Variants in DNAJC3 observed in about 807,000 individuals in gnomAD.
The protein encoded by DNAJC3 is dnaJ homolog subfamily C member 3.
In DNAJC3, 38 loss-of-function variants were observed where a neutral mutation model predicts 68.6. The ratio of observed to expected loss-of-function variants is 0.55; its 90% CI spans 0.43 to 0.73. The LOEUF is 0.73. DNAJC3 is among the 30% of genes least tolerant of loss of function. The probability of loss-of-function intolerance (pLI) is 0.00; values close to 1 mark genes in which losing one functional copy is unlikely to be tolerated. For missense variants in DNAJC3, 526 were observed against 591.9 expected, an observed-to-expected ratio of 0.89 and a Z score of 1.16; for synonymous variants, 203 against 204.0, an observed-to-expected ratio of 1.00 and a Z score of 0.04.
At chr13:95,789,643 C>G (rs1447323503) in intron 11 of DNAJC3, among the ~76,000 whole-genome samples, 1 of 152,106 alleles carries the variant, frequency 6.6e-6, no homozygotes, top group African/African-American at 2.4e-5. Context: ...TATAATGGAA[C>G]AATTTATATT....
chr13:95,779,680 C>T lies in DNAJC3; in HGVS notation c.1076-6259C>T, dbSNP rs17885622. 8.7e-3 allele frequency among the ~76,000 whole-genome samples: 1,325 copies of T among 152,222 alleles called. 19 individuals carry two copies. Among genetic ancestry groups the T allele is most frequent in the African/African-American group, 0.03 (1,254 of 41,512 alleles). On this transcript the variant is annotated intron_variant, in intron 9 of 11. Transcript: ENST00000602402. ...CTGATTGCTCACATTTTTACCTCCT[C>T]GTCATCTGGTCTCTTTCCTGAGTTC...
intron 2 of DNAJC3, among the ~76,000 whole-genome samples, chr13:95,721,352 G>A (rs1049678533): frequency 2.0e-5 from 3 of 152,114 alleles, no homozygotes; most frequent in Non-Finnish European, 4.4e-5. Context: ...TTGGACTATT[G>A]TGAATAATAC....
intron 1 of DNAJC3, among the ~76,000 whole-genome samples, chr13:95,691,924 G>A (rs1364912034): frequency 2.0e-5 from 3 of 152,216 alleles, no homozygotes; most frequent in East Asian, 3.9e-4. Context: ...GCGTGGCGGC[G>A]CGCGCCTGCA....
chr13:95,735,743 T>C (rs1881889302), intron 4 of DNAJC3, among the ~76,000 whole-genome samples: 1 of 151,928 alleles, frequency 6.6e-6, no homozygotes, highest in Admixed American at 6.5e-5. Context: ...ATGAGTAGGT[T>C]GCAAAAATTT....
chr13:95,733,410 G>A (rs1881778521), intron 4 of DNAJC3, among the ~76,000 whole-genome samples: 1 of 151,798 alleles, frequency 6.6e-6, no homozygotes, highest in Admixed American at 6.6e-5. Flanking sequence ...TGTTTTTTGT[G>A]AGGCAGAGTC....
At chr13:95,706,866 TAATTA>T (rs550311895) in intron 1 of DNAJC3, among the ~76,000 whole-genome samples, 66 of 152,342 alleles carry the variant, frequency 4.3e-4, no homozygotes, top group African/African-American at 1.2e-3. Flanking sequence ...GCAACCCTCA[TAATTA>T]AATTAAATTT....
intron 11 of DNAJC3, among the ~76,000 whole-genome samples, chr13:95,788,334 CTTA>C (rs1443145429): frequency 6.6e-6 from 1 of 152,102 alleles, no homozygotes; most frequent in Non-Finnish European, 1.5e-5. Context: ...TCAGGATCTT[CTTA>C]TGTGAGAGGG....
chr13:95,749,039 T>A (rs1882394022), intron 4 of DNAJC3, among the ~76,000 whole-genome samples: 1 of 152,216 alleles, frequency 6.6e-6, no homozygotes, highest in Admixed American at 6.5e-5. Flanking sequence ...TAAGGAGCTA[T>A]CAATTATAAG....
intron 7 of DNAJC3, among the ~76,000 whole-genome samples, chr13:95,762,693 C>T (rs1882861522): frequency 6.6e-6 from 1 of 152,084 alleles, no homozygotes; most frequent in Admixed American, 6.6e-5. Flanking sequence ...TGGTGGTTTG[C>T]TGCACCTATC....
At chr13:95,789,215 T>G (rs533538590) in intron 11 of DNAJC3, among the ~76,000 whole-genome samples, 27 of 152,258 alleles carry the variant, frequency 1.8e-4, no homozygotes, top group African/African-American at 3.9e-4. Context: ...TAGGTAAATG[T>G]GTGTTATGGG....
In DNAJC3 at chr13:95,693,480, C is replaced by G. The variant is rs914100792; in HGVS notation, c.83-15747C>G. 4 of 152,074 alleles carry G rather than the reference C, an allele frequency of 2.6e-5. No homozygotes were observed. In the South Asian group the frequency reaches 8.3e-4, roughly 32 times the overall value. 9.4% of individuals were successfully genotyped at this position (152,074 alleles called of 1,614,324 possible). A position where few individuals can be genotyped will look rare whatever the true frequency, so the allele number is the denominator to read the frequency against. On this transcript the variant is annotated intron_variant, in intron 1 of 11. Transcript: ENST00000602402. ...TAATGAAAATAAACCCTTCCTAATT[C>G]AATTAAACACCTAATAATAGGCAGT... is the stretch of plus-strand genomic sequence containing the variant.
At chr13:95,709,111 G>T (rs1316988793) in intron 1 of DNAJC3, 116 bp from the exon 2 acceptor site, 5 of 655,584 alleles carry the variant, frequency 7.6e-6, no homozygotes, top group Non-Finnish European at 9.1e-6. Context: ...CAGCTTCTGT[G>T]ACTTTTCTCA....
intron 4 of DNAJC3, among the ~76,000 whole-genome samples, chr13:95,755,756 CAAAAAAAAAAA>C (rs56659621): frequency 8.6e-4 from 13 of 15,096 alleles, no homozygotes; most frequent in South Asian, 5.0e-3. Context: ...GACGCCGTCT[CAAAAAAAAAAA>C]AAAAAAAAAA....
intron 4 of DNAJC3, among the ~76,000 whole-genome samples, chr13:95,739,890 G>A (rs933852625): frequency 2.0e-5 from 3 of 152,166 alleles, no homozygotes; most frequent in African/African-American, 7.2e-5. Flanking sequence ...GATGCGCTCT[G>A]CTTTTTAGAG....
At chr13:95,682,912 C>A (rs1356400999) in intron 1 of DNAJC3, among the ~76,000 whole-genome samples, 1 of 152,158 alleles carries the variant, frequency 6.6e-6, no homozygotes, top group Non-Finnish European at 1.5e-5. Context: ...ATTCATTCAA[C>A]AAATATTGCA....
chr13:95,715,517 C>CT, intron 2 of DNAJC3, among the ~76,000 whole-genome samples: 1 of 148,628 alleles, frequency 6.7e-6, no homozygotes, highest in East Asian at 2.0e-4. Context: ...GAGTCTCGCT[C>CT]TGTCACCAGG....
rs978461390 is a variant in DNAJC3, at chr13:95,677,409, C to A, written c.82+72C>A. ...CCCCCCGCGCTTTCCCGTCTGCGCC[C>A]GGGCGCCTGTCCCGGAGCGGCTCGG... On this transcript the variant is annotated intron_variant, in intron 1 of 11. Transcript: ENST00000602402. The A allele has an allele frequency of 5.5e-6, 8 of 1,467,218 alleles. No individual in the cohort carries two copies. In the African/African-American group the frequency reaches 7.3e-5, roughly 13 times the overall value. 90.9% of individuals were successfully genotyped at this position (1,467,218 alleles called of 1,614,324 possible).
Position 95,738,326 on chromosome 13 carries a change from A to G in DNAJC3, c.393+13074A>G, listed in dbSNP as rs867032201. ...TGATTTGGGGTGGAGAGTTCTGTAG[A>G]TGTCTATTAGGTCCGCTTGGTGCAG... On this transcript the variant is annotated intron_variant, in intron 4 of 11. Coordinates refer to ENST00000602402, the MANE Select transcript of DNAJC3 (RefSeq NM_006260.5). 3.3e-3 allele frequency among the ~76,000 whole-genome samples: 499 copies of G among 150,286 alleles called. 2 individuals carry two copies. Among genetic ancestry groups the G allele is most frequent in the African/African-American group, 0.012 (473 of 40,660 alleles).
chr13:95,707,920 C>T (rs1387230325), intron 1 of DNAJC3, among the ~76,000 whole-genome samples: 1 of 152,110 alleles, frequency 6.6e-6, no homozygotes, highest in African/African-American at 2.4e-5. Flanking sequence ...GGAAACAATC[C>T]TTTCATGTAT....
Sources: allele counts gnomAD v4.1 joint callset (sites outside exome capture counted in the v4.1 genomes callset), GRCh38; gene constraint gnomAD v4.1.1; transcripts MANE v1.5; gene names NCBI Gene and HGNC (gene_info 2026-07-23, HGNC 2026-07-21).